Variants in CNTN5 observed in about 807,000 individuals in gnomAD.
The protein encoded by CNTN5 is contactin-5.
Under a neutral mutation model 129.1 loss-of-function variants are expected in CNTN5, and 77 were observed. The observed-to-expected ratio is 0.60, with a 90% confidence interval of 0.50 to 0.72. The LOEUF is 0.72. Ranked by LOEUF, CNTN5 falls within the 30% of genes least tolerant of loss-of-function variation. The probability of loss-of-function intolerance (pLI) is 0.00; values close to 1 mark genes in which losing one functional copy is unlikely to be tolerated. For synonymous variants in CNTN5, 509 were observed against 465.6 expected, an observed-to-expected ratio of 1.09 and a Z score of -1.20; for missense variants, 1,478 against 1,328.8, an observed-to-expected ratio of 1.11 and a Z score of -1.75.
chr11:100,302,721 C>G (rs945356051), intron 20 of CNTN5, among the ~76,000 whole-genome samples: 1 of 151,578 alleles, frequency 6.6e-6, no homozygotes, highest in Non-Finnish European at 1.5e-5. Flanking sequence ...ACTTCTCAAC[C>G]TATTTCCCAA....
In CNTN5 at chr11:99,914,938, C is replaced by A. The variant is rs190201918; in HGVS notation, c.578-1116C>A. ...TCCTTCATATCCACTAGTGTATTTT[C>A]TTGAGTGTTCAGTTTATTTGTCAAA... On this transcript the variant is annotated intron_variant, in intron 6 of 24. Coordinates refer to ENST00000524871, the MANE Select transcript of CNTN5 (RefSeq NM_014361.4). Among the ~76,000 whole-genome samples, 7 of 152,036 alleles carry A rather than the reference C, an allele frequency of 4.6e-5. No homozygotes were observed. The East Asian group carries it at 1.4e-3, about 29-fold the overall frequency.
Position 100,166,947 on chromosome 11 carries a change from G to A in CNTN5, c.1581-24179G>A, listed in dbSNP as rs533559991. ...ATTTTATAGGTGAAAGAAATTGCCT[G>A]TAAGTGAAATGACTTACTTAATGAC... is the stretch of plus-strand genomic sequence containing the variant. On this transcript the variant is annotated intron_variant, in intron 13 of 24. Coordinates refer to ENST00000524871, the MANE Select transcript of CNTN5 (RefSeq NM_014361.4). Among the ~76,000 whole-genome samples, 4 of 151,942 alleles carry A rather than the reference G, an allele frequency of 2.6e-5. No individual in the cohort carries two copies. The South Asian group carries it at 6.2e-4, about 24-fold the overall frequency.
intron 6 of CNTN5, among the ~76,000 whole-genome samples, chr11:99,872,550 G>C (rs753147564): frequency 4.6e-5 from 7 of 152,046 alleles, no homozygotes; most frequent in Non-Finnish European, 1.0e-4. Context: ...CTGCAGAAGA[G>C]AAAAGAAAAG....
At chr11:99,973,862 C>T (rs1937746336) in intron 8 of CNTN5, among the ~76,000 whole-genome samples, 1 of 152,144 alleles carries the variant, frequency 6.6e-6, no homozygotes, top group African/African-American at 2.4e-5. Flanking sequence ...ATATTTTGCA[C>T]ATTTACCATA....
intron 13 of CNTN5, among the ~76,000 whole-genome samples, chr11:100,135,225 G>T (rs1416281227): frequency 2.0e-5 from 3 of 147,674 alleles, no homozygotes; most frequent in Non-Finnish European, 4.5e-5. Flanking sequence ...ATTCAGGCTG[G>T]AGTGCAGTGG....
intron 9 of CNTN5, among the ~76,000 whole-genome samples, chr11:100,047,477 A>G (rs1402253695): frequency 6.6e-6 from 1 of 152,232 alleles, no homozygotes; most frequent in African/African-American, 2.4e-5. Flanking sequence ...GATAATGTGA[A>G]GCCTCTAATA....
intron 1 of CNTN5, among the ~76,000 whole-genome samples, chr11:99,058,406 T>C (rs1864725100): frequency 6.6e-6 from 1 of 152,208 alleles, no homozygotes; most frequent in African/African-American, 2.4e-5. Context: ...AGCTGTATGC[T>C]ATTGCTGCAT....
intron 13 of CNTN5, among the ~76,000 whole-genome samples, chr11:100,151,920 C>T (rs1947074081): frequency 6.6e-6 from 1 of 151,824 alleles, no homozygotes; most frequent in South Asian, 2.1e-4. Flanking sequence ...TTAGCCAGTC[C>T]TCTGGCCTCA....
intron 15 of CNTN5, 36 bp downstream of exon 15, chr11:100,193,699 A>G (rs2138514576): frequency 2.5e-6 from 4 of 1,571,912 alleles, no homozygotes; most frequent in Non-Finnish European, 8.6e-7. Context: ...TAGTAATGAT[A>G]ACTTTAGAAA....
chr11:99,992,218 C>T (rs2137419528), intron 8 of CNTN5, among the ~76,000 whole-genome samples: 1 of 152,282 alleles, frequency 6.6e-6, no homozygotes, highest in African/African-American at 2.4e-5. Context: ...ATGATTATTA[C>T]TAAAAGTGTC....
chr11:99,936,590 A>C (rs1027888140), intron 7 of CNTN5, among the ~76,000 whole-genome samples: 8 of 152,200 alleles, frequency 5.3e-5, no homozygotes, highest in East Asian at 1.9e-4. Context: ...AACAATATCA[A>C]ATAGTATAGG....
chr11:100,110,169 A>G (rs1945598079), intron 13 of CNTN5, among the ~76,000 whole-genome samples: 1 of 151,214 alleles, frequency 6.6e-6, no homozygotes, highest in Non-Finnish European at 1.5e-5. Flanking sequence ...CCTGGGTGAC[A>G]GAGTGAGACC....
intron 20 of CNTN5, among the ~76,000 whole-genome samples, chr11:100,305,365 A>T (rs1951325420): frequency 6.6e-6 from 1 of 151,646 alleles, no homozygotes; most frequent in South Asian, 2.1e-4. Flanking sequence ...TGGCATATGT[A>T]GAAGCACATG....
At chr11:99,324,813 T>C (rs1003895932) in intron 1 of CNTN5, among the ~76,000 whole-genome samples, 1 of 152,164 alleles carries the variant, frequency 6.6e-6, no homozygotes, top group African/African-American at 2.4e-5. Context: ...AGCTACTTTT[T>C]TGTATTTTTA....
At position 99,683,822 on chromosome 11, in the gene CNTN5, T is replaced by A. The variant is rs149811577; in HGVS notation, c.55+127553T>A. On this transcript the variant is annotated intron_variant, in intron 3 of 24. Coordinates refer to ENST00000524871, the MANE Select transcript of CNTN5 (RefSeq NM_014361.4). ...TGCTTTCTTAAAAATCTATTTCTAA[T>A]TGGAAATTTTAAAAATTATATATTT... is the stretch of plus-strand genomic sequence containing the variant. 2.5e-3 allele frequency among the ~76,000 whole-genome samples: 378 copies of A among 151,926 alleles called. 7 individuals are homozygous for A. Among genetic ancestry groups the A allele is most frequent in the African/African-American group, 8.6e-3 (358 of 41,478 alleles).
chr11:100,310,237 A>G (rs1951445490), intron 21 of CNTN5, among the ~76,000 whole-genome samples: 1 of 151,928 alleles, frequency 6.6e-6, no homozygotes, highest in Non-Finnish European at 1.5e-5. Flanking sequence ...CATACCTTTC[A>G]GAAAGCCACA....
chr11:99,928,675 A>G (rs887723347), intron 7 of CNTN5, among the ~76,000 whole-genome samples: 1 of 152,106 alleles, frequency 6.6e-6, no homozygotes, highest in Non-Finnish European at 1.5e-5. Flanking sequence ...CTGGCCCACA[A>G]AACCATTTTC....
chr11:99,667,835 A>G (rs963626551), intron 3 of CNTN5, among the ~76,000 whole-genome samples: 1 of 152,122 alleles, frequency 6.6e-6, no homozygotes, highest in South Asian at 2.1e-4. Flanking sequence ...GGATGGGTCA[A>G]TAGGTGTAGC....
At chr11:99,247,923 T>C (rs55812156) in intron 1 of CNTN5, among the ~76,000 whole-genome samples, 2,634 of 152,218 alleles carry the variant, frequency 0.017, 40 homozygotes, top group African/African-American at 0.037. Context: ...AATAAACATA[T>C]GTGTGCAAGT....
Sources: gnomAD v4.1 joint callset for allele counts (sites outside exome capture counted in the v4.1 genomes callset) on GRCh38, gnomAD v4.1.1 for gene constraint, MANE v1.5 for transcripts, NCBI Gene and HGNC (gene_info 2026-07-23, HGNC 2026-07-21) for gene names.